The following CPLANE1 variants were observed in gnomAD, a reference collection of about 807,000 sequenced individuals.
The protein encoded by CPLANE1 is ciliogenesis and planar polarity effector 1.
In CPLANE1, 263 loss-of-function variants were observed where a neutral mutation model predicts 362.5. The observed-to-expected ratio is 0.73, with a 90% CI of 0.66 to 0.80. The LOEUF is 0.80. Ranked by LOEUF, CPLANE1 falls within the 30% of genes least tolerant of loss-of-function variation. The probability of loss-of-function intolerance (pLI) is 0.00; values close to 1 mark genes in which losing one functional copy is unlikely to be tolerated. For synonymous variants in CPLANE1, 1,212 were observed against 1,302.6 expected (o/e 0.93, Z 1.50); for missense variants, 3,461 against 3,793.4 (o/e 0.91, Z 2.30).
rs745732723 is a variant in CPLANE1 at position 37,243,096 on chromosome 5, A to G, written c.594T>C (p.Cys198=). Residue 198 remains cysteine (C), a synonymous_variant, in exon 6 of 53, where the codon TGT becomes TGC. Transcript: ENST00000651892. Reference sequence around the variant, plus strand: ...ATTCCCCAGAATAAAAAGTAAATGAACACAGGCAGCAGTCTCCAAATAACT... The same window carrying G: ...ATTCCCCAGAATAAAAAGTAAATGAGCACAGGCAGCAGTCTCCAAATAACT... ...KNELFGDCCL[C]SFTFYSGECL... 1.1e-5 allele frequency: 17 copies of G among 1,545,548 alleles called. No homozygotes were observed. In the South Asian group the frequency reaches 2.1e-4, roughly 19 times the overall value.
chr5:37,238,919 A>T lies in CPLANE1; in HGVS notation c.876T>A (p.Thr292=). 6.5e-7 allele frequency: 1 copy of T among 1,535,146 alleles called. No individual in the cohort carries two copies. The highest frequency in any genetic ancestry group is 1.2e-5 in the South Asian group (1 of 80,348). Residue 292 remains threonine (T), a synonymous_variant, in exon 8 of 53, where the codon ACT becomes ACA. Coordinates refer to ENST00000651892, the MANE Select transcript of CPLANE1 (RefSeq NM_001384732.1). ...TACATCCTTTAAGGCTACCACAGAG[A>T]GTAACAAAATTCAGTGTGTTTATAA... The part of the protein sequence containing the change: ...VLFINTLNFV[T]LCGSLKGCSN...
chr5:37,138,680 G>A (rs755674483), intron 46 of CPLANE1, 40 bp downstream of exon 46: 20 of 1,566,626 alleles, frequency 1.3e-5, no homozygotes, highest in Middle Eastern at 1.7e-4. Context: ...TGAATGAGAA[G>A]CATTTTAAAC....
chr5:37,091,072 A>T, the CPLANE1 span, among the ~76,000 whole-genome samples: 1 of 152,172 alleles, frequency 6.6e-6, no homozygotes. Context: ...TTATCTAAAC[A>T]ATTTCAACTT....
At chr5:37,134,059 T>G (rs1018873092) in intron 46 of CPLANE1, among the ~76,000 whole-genome samples, 3 of 152,226 alleles carry the variant, frequency 2.0e-5, no homozygotes, top group African/African-American at 7.2e-5. Flanking sequence ...TGTTGAAGAT[T>G]TTTTACTTCT....
At position 37,244,620 on chromosome 5, in the gene CPLANE1, CA is replaced by C. The variant is rs759618579; in HGVS notation, c.338-14del. On this transcript the variant is annotated splice_polypyrimidine_tract_variant and intron_variant, in intron 4 of 52. Transcript: ENST00000651892. ...CTCAAAGAGCTTGCTAAAAAAGTAA[CA>C]AAAAAAGTAATTAAGCCTCTGAAGT... 4.1e-6 allele frequency: 6 copies of C among 1,475,938 alleles called. No homozygotes were observed. Among genetic ancestry groups the C allele is most frequent in the East Asian group, 2.5e-5 (1 of 39,672 alleles). 91.4% of individuals were successfully genotyped at this position (1,475,938 alleles called of 1,614,324 possible).
chr5:37,175,389 G>T (rs1377620432), intron 31 of CPLANE1, among the ~76,000 whole-genome samples: 1 of 152,196 alleles, frequency 6.6e-6, no homozygotes, highest in Non-Finnish European at 1.5e-5. Flanking sequence ...TGCACAAACA[G>T]ATCTGCCCAT....
intron 48 of CPLANE1, 118 bp downstream of exon 48, chr5:37,122,312 A>G: frequency 1.2e-6 from 1 of 805,136 alleles, no homozygotes. Flanking sequence ...AACTCCCATA[A>G]TTCTCTGTTT....
intron 45 of CPLANE1, 148 bp from the exon 46 acceptor site, chr5:37,138,996 T>C: frequency 1.4e-6 from 1 of 705,648 alleles, no homozygotes. Context: ...TATCTCTCAG[T>C]GAAAAAGACT....
chr5:37,141,130 A>G lies in CPLANE1; in HGVS notation c.8632+1180T>C, dbSNP rs540711127. The G allele has an allele frequency of 1.1e-4, 104 of 985,282 alleles. No homozygotes were observed. In the East Asian group the frequency reaches 9.0e-3, roughly 85 times the overall value. The allele number at this position is 985,282 out of a possible 1,614,324, so 61.0% of individuals were successfully genotyped here. On this transcript the variant is annotated intron_variant, in intron 44 of 52. Coordinates refer to ENST00000651892, the MANE Select transcript of CPLANE1 (RefSeq NM_001384732.1). ...CTATTTCTTTCCCACAACACTAGCC[A>G]GGCCCTCATTATTTCCCAGGTCAGA...
At chr5:37,142,150 C>G (rs1769939539) in intron 44 of CPLANE1, 160 bp downstream of exon 44, 2 of 1,243,254 alleles carry the variant, frequency 1.6e-6, no homozygotes, top group East Asian at 6.4e-5. Context: ...TGTCACAGTT[C>G]TTCATGTGAC....
At chr5:37,196,593 G>A (rs1023985436) in intron 20 of CPLANE1, among the ~76,000 whole-genome samples, 5 of 152,104 alleles carry the variant, frequency 3.3e-5, no homozygotes, top group African/African-American at 7.2e-5. Flanking sequence ...TGCCATGTGC[G>A]AGAGAGAAGT....
At chr5:37,165,206 G>T (rs999867156) in intron 36 of CPLANE1, among the ~76,000 whole-genome samples, 1 of 152,044 alleles carries the variant, frequency 6.6e-6, no homozygotes, top group African/African-American at 2.4e-5. Flanking sequence ...CTCAGAGAAC[G>T]GTGAAACTGT....
In CPLANE1 at chr5:37,187,713, A is replaced by T. The variant is rs1392286983; in HGVS notation, c.3921+20T>A. 1 of 1,597,404 alleles carries T rather than the reference A, an allele frequency of 6.3e-7. No individual in the cohort carries two copies. The highest frequency in any genetic ancestry group is 8.6e-7 in the Non-Finnish European group (1 of 1,169,544). On this transcript the variant is annotated intron_variant, in intron 22 of 52. Coordinates refer to ENST00000651892, the MANE Select transcript of CPLANE1 (RefSeq NM_001384732.1). ...CACTTAACGTGTGTTCATTTTTCTTATTTTTGCCCTGGTAAATACCTTTTC... is the reference window on the plus strand; with the variant it reads ...CACTTAACGTGTGTTCATTTTTCTTTTTTTTGCCCTGGTAAATACCTTTTC...
intron 41 of CPLANE1, among the ~76,000 whole-genome samples, chr5:37,156,453 A>T (rs1439879384): frequency 6.6e-6 from 1 of 152,008 alleles, no homozygotes; most frequent in African/African-American, 2.4e-5. Flanking sequence ...AAAATTTTAA[A>T]AATTAGCTAG....
At chr5:37,134,597 T>G (rs1474591856) in intron 46 of CPLANE1, among the ~76,000 whole-genome samples, 1 of 152,110 alleles carries the variant, frequency 6.6e-6, no homozygotes, top group East Asian at 1.9e-4. Context: ...CAACTTTTGG[T>G]ATTGTTGATT....
intron 46 of CPLANE1, among the ~76,000 whole-genome samples, chr5:37,132,866 G>A (rs531306753): frequency 1.2e-4 from 19 of 152,228 alleles, no homozygotes; most frequent in African/African-American, 4.6e-4. Flanking sequence ...TGTCCAGAAT[G>A]GTATTTCCTA....
At position 37,221,678 on chromosome 5, in the gene CPLANE1, A is replaced by C. The variant is rs140880678; in HGVS notation, c.2582-190T>G. Among the ~76,000 whole-genome samples, 406 of 152,252 alleles carry C rather than the reference A, an allele frequency of 2.7e-3. 1 individual carries two copies. Among genetic ancestry groups the C allele is most frequent in the African/African-American group, 8.4e-3 (351 of 41,540 alleles). On this transcript the variant is annotated intron_variant, in intron 14 of 52. Transcript: ENST00000651892. ...TTCACAGGTGATCTGGGTACATTAC[A>C]TCCCCAAATAAAATTGGAATTATTT...
intron 41 of CPLANE1, among the ~76,000 whole-genome samples, chr5:37,154,902 C>T (rs975216879): frequency 2.0e-5 from 3 of 152,168 alleles, no homozygotes; most frequent in Non-Finnish European, 4.4e-5. Context: ...AAATTGCTCC[C>T]TCTTCCTTGT....
At chr5:37,229,873 C>T (rs1797317434) in intron 9 of CPLANE1, among the ~76,000 whole-genome samples, 1 of 151,984 alleles carries the variant, frequency 6.6e-6, no homozygotes, top group Non-Finnish European at 1.5e-5. Context: ...GATGGGAGAT[C>T]AAAATAAATT....
Sources: gnomAD v4.1 joint callset for allele counts (sites outside exome capture counted in the v4.1 genomes callset) on GRCh38, gnomAD v4.1.1 for gene constraint, MANE v1.5 for transcripts, NCBI Gene and HGNC (gene_info 2026-07-23, HGNC 2026-07-21) for gene names.